Variants in AFF3 observed in about 807,000 individuals in gnomAD.
The protein encoded by AFF3 is AF4/FMR2 family member 3.
AFF3 carries 32 observed loss-of-function variants against 129.7 expected under a neutral mutation model. That is an observed-to-expected ratio of 0.25 (90% confidence interval 0.19 to 0.33). The LOEUF (loss-of-function observed/expected upper bound fraction) is 0.33. Ranked by LOEUF, AFF3 falls within the 10% of genes least tolerant of loss-of-function variation. AFF3 has a pLI of 1.00. For missense variants in AFF3, 1,373 were observed against 1,592.0 expected, an observed-to-expected ratio of 0.86 and a Z score of 2.34; for synonymous variants, 644 against 635.4, an observed-to-expected ratio of 1.01 and a Z score of -0.20.
chr2:100,008,970 C>T, intron 4 of AFF3, 38 bp from the exon 5 acceptor site: 2 of 1,607,978 alleles, frequency 1.2e-6, no homozygotes. Flanking sequence ...ACCACACACA[C>T]AAATTAAACT....
At chr2:99,646,476 T>TATATAATCATTATG (rs2105560320) in intron 13 of AFF3, among the ~76,000 whole-genome samples, 1 of 152,172 alleles carries the variant, frequency 6.6e-6, no homozygotes, top group South Asian at 2.1e-4. Flanking sequence ...ATTATGAAAT[T>TATATAATCATTATG]TTATATAAAG....
At chr2:100,076,944 G>A (rs1337555459) in intron 4 of AFF3, among the ~76,000 whole-genome samples, 1 of 152,128 alleles carries the variant, frequency 6.6e-6, no homozygotes, top group Non-Finnish European at 1.5e-5. Context: ...AGACTGTGCA[G>A]ATGTAAGTTA....
rs772069632 is a variant in AFF3 at position 99,554,751 on chromosome 2, ACT to A, written c.3286-21_3286-20del. 6.2e-7 allele frequency: 1 copy of A among 1,614,000 alleles called. No individual in the cohort carries two copies. Among genetic ancestry groups the A allele is most frequent in the South Asian group, 1.1e-5 (1 of 91,064 alleles). On this transcript the variant is annotated intron_variant, in intron 22 of 24. Transcript: ENST00000672756. ...ATGAGTTCTGCAAGAAAATAAAAAC[ACT>A]GACAGTGAGTGCCATCTGCGTGAGG... is the stretch of plus-strand genomic sequence containing the variant.
At chr2:99,848,091 T>G (rs1689866138) in intron 7 of AFF3, among the ~76,000 whole-genome samples, 1 of 151,372 alleles carries the variant, frequency 6.6e-6, no homozygotes, top group African/African-American at 2.4e-5. Flanking sequence ...AGACCCTGTC[T>G]CTACTAAAAT....
At chr2:100,107,925 G>A (rs978059983) in intron 2 of AFF3, among the ~76,000 whole-genome samples, 1 of 152,126 alleles carries the variant, frequency 6.6e-6, no homozygotes, top group Non-Finnish European at 1.5e-5. Flanking sequence ...GGTCATTTTT[G>A]TAACCAAGTG....
rs371696240 is a variant in AFF3, at chr2:99,703,508, C to T, written c.1091+23569G>A. ...TTGTTTCAACACCATTCATTGAAAA[C>T]GTTCCACTCCACCAATCTCCGTCTT... On this transcript the variant is annotated intron_variant, in intron 11 of 24. Transcript: ENST00000672756. 1.3e-4 allele frequency among the ~76,000 whole-genome samples: 20 copies of T among 152,272 alleles called. 1 individual carries two copies. The South Asian group carries it at 1.7e-3, about 13-fold the overall frequency.
rs187943911 is a variant in AFF3 at position 99,897,783 on chromosome 2, A to T, written c.874-60259T>A. Among the ~76,000 whole-genome samples, 41 of 152,306 alleles carry T rather than the reference A, an allele frequency of 2.7e-4. No individual in the cohort carries two copies. The East Asian group carries it at 7.3e-3, about 27-fold the overall frequency. On this transcript the variant is annotated intron_variant, in intron 7 of 24. Transcript: ENST00000672756. ...AGACACACATATATTGTTTTATTTG[A>T]CCAGTAAGGTAATGAATATGTAGTT...
chr2:100,140,580 A>T (rs1166262386), intron 1 of AFF3, among the ~76,000 whole-genome samples: 1 of 152,202 alleles, frequency 6.6e-6, no homozygotes, highest in Admixed American at 6.5e-5. Flanking sequence ...GCAATGGCTC[A>T]GATACAATAA....
At chr2:99,697,348 G>C (rs1676389949) in intron 11 of AFF3, among the ~76,000 whole-genome samples, 1 of 152,222 alleles carries the variant, frequency 6.6e-6, no homozygotes, top group Non-Finnish European at 1.5e-5. Flanking sequence ...TCCTGGGTGT[G>C]GGAGATTGGG....
chr2:99,819,751 C>T (rs753467327), intron 8 of AFF3, among the ~76,000 whole-genome samples: 6 of 152,194 alleles, frequency 3.9e-5, no homozygotes, highest in Admixed American at 1.3e-4. Context: ...TGTTGTTGAA[C>T]GCAGGAGTGG....
intron 8 of AFF3, among the ~76,000 whole-genome samples, chr2:99,774,073 A>G (rs1041494773): frequency 2.0e-5 from 3 of 152,324 alleles, no homozygotes; most frequent in Non-Finnish European, 4.4e-5. Context: ...CCACTGTTCA[A>G]AGAAATCAGA....
At chr2:99,874,713 G>A (rs1167260991) in intron 7 of AFF3, among the ~76,000 whole-genome samples, 2 of 152,094 alleles carry the variant, frequency 1.3e-5, no homozygotes, top group African/African-American at 4.8e-5. Context: ...TCTTCATTAA[G>A]AAAACTGGTG....
chr2:99,820,623 T>C (rs549081389), intron 8 of AFF3, among the ~76,000 whole-genome samples: 1 of 150,858 alleles, frequency 6.6e-6, no homozygotes, highest in South Asian at 2.2e-4. Context: ...ATTTTTACTT[T>C]ATGAACTTTT....
At chr2:99,552,186 G>A (rs890712915) in intron 24 of AFF3, among the ~76,000 whole-genome samples, 1 of 152,136 alleles carries the variant, frequency 6.6e-6, no homozygotes, top group Admixed American at 6.5e-5. Flanking sequence ...AGGAGATCGC[G>A]ACCAGTCAGG....
At chr2:100,020,205 G>GCTA (rs1191344957) in intron 4 of AFF3, among the ~76,000 whole-genome samples, 3 of 151,850 alleles carry the variant, frequency 2.0e-5, no homozygotes, top group Admixed American at 1.3e-4. Flanking sequence ...TCTCCCCTTG[G>GCTA]CTAGCACTGC....
rs187469009 is a variant in AFF3 at position 99,637,176 on chromosome 2, T to C, written c.1184+12450A>G. Among the ~76,000 whole-genome samples the C allele has an allele frequency of 2.6e-5, 4 of 152,264 alleles. No homozygotes were observed. The East Asian group carries it at 7.7e-4, about 29-fold the overall frequency. On this transcript the variant is annotated intron_variant, in intron 13 of 24. Transcript: ENST00000672756. ...GCCAGTTTTCTTTACTAAAAGGAGA[T>C]GAAAAACAGAACAAAACAAAACAGA...
intron 13 of AFF3, among the ~76,000 whole-genome samples, chr2:99,608,889 G>A (rs1384658537): frequency 2.6e-5 from 4 of 152,062 alleles, no homozygotes; most frequent in Admixed American, 2.0e-4. Flanking sequence ...AACACACGTG[G>A]GTAAGAAGAG....
At chr2:99,956,667 A>G (rs1253368274) in intron 7 of AFF3, among the ~76,000 whole-genome samples, 1 of 152,212 alleles carries the variant, frequency 6.6e-6, no homozygotes, top group Non-Finnish European at 1.5e-5. Flanking sequence ...TTATACCACT[A>G]AAGAAATTCC....
At chr2:99,733,189 C>T (rs559427322) in intron 10 of AFF3, among the ~76,000 whole-genome samples, 2 of 152,068 alleles carry the variant, frequency 1.3e-5, no homozygotes, top group East Asian at 1.9e-4. Context: ...ACCATCCTGG[C>T]TAACACAGTG....
Sources: allele counts gnomAD v4.1 joint callset (sites outside exome capture counted in the v4.1 genomes callset), GRCh38; gene constraint gnomAD v4.1.1; transcripts MANE v1.5; gene names NCBI Gene and HGNC (gene_info 2026-07-23, HGNC 2026-07-21).